The following NXF1 variants were observed in gnomAD, a reference collection of about 807,000 sequenced individuals.
NXF1 encodes the protein mRNA export factor TAP.
NXF1 carries 43 observed loss-of-function variants against 92.4 expected under a neutral mutation model. The observed-to-expected ratio is 0.47, with a 90% CI of 0.36 to 0.60. The LOEUF is 0.60. Among genes scored for constraint, NXF1 ranks in the 20% least tolerant of loss-of-function variants. The pLI is 0.00. For missense variants in NXF1, 576 were observed against 793.0 expected, an observed-to-expected ratio of 0.73 and a Z score of 3.29; for synonymous variants, 288 against 292.2, an observed-to-expected ratio of 0.99 and a Z score of 0.15.
chr11:62,793,227 G>A (rs2084384904), intron 19 of NXF1, among the ~76,000 whole-genome samples: 1 of 152,098 alleles, frequency 6.6e-6, no homozygotes, highest in Non-Finnish European at 1.5e-5. Context: ...TACAGGCGTG[G>A]AACGCCAAGC....
chr11:62,800,192 A>C, intron 10 of NXF1, 185 bp downstream of exon 10: 4 of 1,415,026 alleles, frequency 2.8e-6, no homozygotes, highest in Non-Finnish European at 3.7e-6. Flanking sequence ...GAGAAGAGAG[A>C]ACATCTCAGG....
chr11:62,797,339 G>T lies in NXF1; in HGVS notation c.1101C>A (p.Pro367=), dbSNP rs146887127. ...PPPIAFDVEA[P]TTLPPCKGSY... is the part of the protein sequence containing the mutation. ...CTACCTTGCAGGGCGGTAACGTCGT[G>T]GGGGCTTCAACATCAAAGGCAATTG... Residue 367 remains proline, a synonymous_variant, in exon 12 of 21, where the codon CCC becomes CCA. Transcript: ENST00000294172. The T allele has an allele frequency of 3.2e-4, 509 of 1,613,958 alleles. No individual in the cohort carries two copies. Among genetic ancestry groups the T allele is most frequent in the Non-Finnish European group, 4.1e-4 (478 of 1,180,002 alleles).
intron 19 of NXF1, among the ~76,000 whole-genome samples, chr11:62,793,876 C>G (rs900873703): frequency 1.3e-5 from 2 of 149,882 alleles, no homozygotes; most frequent in African/African-American, 4.9e-5. Flanking sequence ...TGGTGTGTGC[C>G]TGTAATCCCA....
At chr11:62,798,653 A>G in intron 10 of NXF1, 78 bp from the exon 11 acceptor site, 2 of 1,600,060 alleles carry the variant, frequency 1.2e-6, no homozygotes, top group Non-Finnish European at 1.7e-6. Flanking sequence ...CAAATATACC[A>G]AACCCGAGGG....
At chr11:62,799,689 C>T in intron 10 of NXF1, 4 of 986,074 alleles carry the variant, frequency 4.1e-6, no homozygotes, top group Non-Finnish European at 4.8e-6. Context: ...GCCCCCGTGG[C>T]CTCCACGCCC....
intron 17 of NXF1, 114 bp downstream of exon 17, chr11:62,795,784 GAGA>G (rs2084413498): frequency 2.0e-6 from 2 of 988,806 alleles, no homozygotes; most frequent in African/African-American, 1.6e-5. Context: ...GGCAGAATGG[GAGA>G]AGGAGCTCAA....
At chr11:62,799,108 G>A (rs891519049) in intron 10 of NXF1, 9 of 985,794 alleles carry the variant, frequency 9.1e-6, no homozygotes, top group Admixed American at 6.1e-5. Flanking sequence ...AAAAAGGCAA[G>A]ATGGGGCAGG....
At chr11:62,793,204 G>C (rs1192396492) in intron 19 of NXF1, among the ~76,000 whole-genome samples, 1 of 151,756 alleles carries the variant, frequency 6.6e-6, no homozygotes, top group Non-Finnish European at 1.5e-5. Context: ...TCAGCCTCCC[G>C]AGTAGTTGGG....
intron 20 of NXF1, 45 bp from the exon 21 acceptor site, chr11:62,792,559 C>T: frequency 6.2e-7 from 1 of 1,610,890 alleles, no homozygotes; most frequent in Non-Finnish European, 8.5e-7. Flanking sequence ...ACCCTCGCCA[C>T]TCAGCAACCC....
rs369756097 is a variant in NXF1, at chr11:62,803,780, C to A, written c.215+12G>T. 2 of 1,610,194 alleles carry A rather than the reference C, an allele frequency of 1.2e-6. No homozygotes were observed. The highest frequency in any genetic ancestry group is 1.7e-4 in the Middle Eastern group (1 of 6,046). On this transcript the variant is annotated intron_variant, in intron 2 of 20. Transcript: ENST00000294172. Reference sequence around the variant, plus strand: ...AGCCACTAAATTCAAACCAGACCAACTGGTCACTCACTATCGTACTCGGGG... The same window carrying A: ...AGCCACTAAATTCAAACCAGACCAAATGGTCACTCACTATCGTACTCGGGG...
At chr11:62,793,255 T>C (rs989708222) in intron 19 of NXF1, among the ~76,000 whole-genome samples, 4 of 152,212 alleles carry the variant, frequency 2.6e-5, no homozygotes, top group Admixed American at 6.5e-5. Context: ...ATTTTTGTAT[T>C]TTTAGTAGAG....
intron 19 of NXF1, 141 bp downstream of exon 19, chr11:62,794,117 T>C (rs902662308): frequency 1.5e-5 from 10 of 666,332 alleles, no homozygotes; most frequent in Admixed American, 3.0e-5. Flanking sequence ...CAGTGAGTTA[T>C]GATCACCACT....
At position 62,805,403 on chromosome 11, in the gene NXF1, G is replaced by T. The variant is rs371315222; in HGVS notation, c.-47C>A. The T allele has an allele frequency of 5.6e-6, 9 of 1,607,386 alleles. No individual in the cohort carries two copies. The highest frequency in any genetic ancestry group is 5.4e-5 in the African/African-American group (4 of 74,502). On this transcript the variant is annotated 5_prime_UTR_variant, in exon 1 of 21. Coordinates refer to ENST00000294172, the MANE Select transcript of NXF1 (RefSeq NM_006362.5). Reference sequence around the variant, plus strand: ...GGGCTCAGGCGCTGGCCGCTACGCCGGCAAACAACCTAACTCCCAAGCGCT... The same window carrying T: ...GGGCTCAGGCGCTGGCCGCTACGCCTGCAAACAACCTAACTCCCAAGCGCT...
rs539730010 is a variant in NXF1 at position 62,793,856 on chromosome 11, C to G, written c.1760+402G>C. Among the ~76,000 whole-genome samples the G allele has an allele frequency of 1.0e-3, 150 of 150,038 alleles. 2 individuals are homozygous for G. Among genetic ancestry groups the G allele is most frequent in the African/African-American group, 3.0e-3 (122 of 40,670 alleles). On this transcript the variant is annotated intron_variant, in intron 19 of 20. Coordinates refer to ENST00000294172, the MANE Select transcript of NXF1 (RefSeq NM_006362.5). ...AAAAAAAAAAAAATACAAAAATTAG[C>G]CAGGCATGGTGGTGTGTGCCTGTAA... is the stretch of plus-strand genomic sequence containing the variant.
intron 7 of NXF1, 50 bp from the exon 8 acceptor site, chr11:62,801,467 T>C (rs2084477849): frequency 6.2e-7 from 1 of 1,609,578 alleles, no homozygotes; most frequent in Non-Finnish European, 8.5e-7. Context: ...GGTTTGCCCA[T>C]GCCAGCATTA....
chr11:62,792,272 G>C lies in NXF1; in HGVS notation c.*204C>G. On this transcript the variant is annotated 3_prime_UTR_variant, in exon 21 of 21. Coordinates refer to ENST00000294172, the MANE Select transcript of NXF1 (RefSeq NM_006362.5). ...GTTTAGTGTCAGTTCTACAAAGTAA[G>C]CTTTGGCTTCCTGGCACCAGTGAGG... is the stretch of plus-strand genomic sequence containing the variant. 1.4e-6 allele frequency: 1 copy of C among 734,086 alleles called. No individual in the cohort carries two copies. Among genetic ancestry groups the C allele is most frequent in the Non-Finnish European group, 2.3e-6 (1 of 428,610 alleles). The allele number at this position is 734,086 out of a possible 1,614,324, so 45.5% of individuals were successfully genotyped here. A position where few individuals can be genotyped will look rare whatever the true frequency, so the allele number is the denominator to read the frequency against.
At chr11:62,794,535 C>G (rs2084401330) in intron 18 of NXF1, 95 bp from the exon 19 acceptor site, 1 of 1,069,754 alleles carries the variant, frequency 9.3e-7, no homozygotes, top group Admixed American at 2.2e-5. Context: ...TCCACAAGGT[C>G]CCCCTCCCAC....
chr11:62,792,843 TAGTAA>T (rs2084379581), intron 19 of NXF1, 142 bp from the exon 20 acceptor site: 1 of 676,356 alleles, frequency 1.5e-6, no homozygotes, highest in Non-Finnish European at 2.6e-6. Flanking sequence ...AATGAGACAT[TAGTAA>T]AAGTCCAGAT....
At chr11:62,794,093 G>A (rs1341772060) in intron 19 of NXF1, among the ~76,000 whole-genome samples, 165 bp downstream of exon 19, 1 of 151,974 alleles carries the variant, frequency 6.6e-6, no homozygotes, top group Non-Finnish European at 1.5e-5. Context: ...CTTGTGCCCA[G>A]GAATTAGAGG....
Sources: allele counts gnomAD v4.1 joint callset (sites outside exome capture counted in the v4.1 genomes callset), GRCh38; gene constraint gnomAD v4.1.1; transcripts MANE v1.5; gene names NCBI Gene and HGNC (gene_info 2026-07-23, HGNC 2026-07-21).